Variants in NAV3 observed in about 807,000 individuals in gnomAD.
The protein encoded by NAV3 is pore membrane and/or filament interacting like protein 1.
NAV3 carries 87 observed loss-of-function variants against 244.7 expected under a neutral mutation model. The observed-to-expected ratio is 0.36, with a 90% confidence interval of 0.30 to 0.42. The LOEUF is 0.42. Among genes scored for constraint, NAV3 ranks in the 20% least tolerant of loss-of-function variants. The pLI is 1.00. For missense variants in NAV3, 2,663 were observed against 2,893.3 expected (o/e 0.92, Z 1.83); for synonymous variants, 1,126 against 1,042.2 (o/e 1.08, Z -1.55).
intron 5 of NAV3, among the ~76,000 whole-genome samples, chr12:77,974,235 A>G (rs1213327516): frequency 6.6e-6 from 1 of 151,946 alleles, no homozygotes; most frequent in African/African-American, 2.4e-5. Context: ...AAATTTAAAT[A>G]TATGTAATAT....
chr12:77,746,631 G>C (rs960009685), intron 2 of NAV3, among the ~76,000 whole-genome samples: 3 of 152,084 alleles, frequency 2.0e-5, no homozygotes, highest in African/African-American at 4.8e-5. Flanking sequence ...GGAGGATTGA[G>C]GGAATGGAAG....
chr12:77,803,152 A>C (rs1871800130), intron 2 of NAV3, among the ~76,000 whole-genome samples: 1 of 152,146 alleles, frequency 6.6e-6, no homozygotes, highest in Admixed American at 6.5e-5. Context: ...TGTTTGTTAC[A>C]TAGGTATTCA....
At chr12:77,829,355 A>G (rs1230217951), upstream of NAV3, among the ~76,000 whole-genome samples, 1 of 152,158 alleles carries the variant, frequency 6.6e-6, no homozygotes, top group African/African-American at 2.4e-5. Context: ...TGAGGTGCCA[A>G]TATTATTTTT....
Position 77,772,581 on chromosome 12 carries a change from A to T in NAV3, c.73-167738A>T, listed in dbSNP as rs184289888. 4.7e-4 allele frequency among the ~76,000 whole-genome samples: 71 copies of T among 152,174 alleles called. No individual in the cohort carries two copies. The East Asian group carries it at 0.013, about 27-fold the overall frequency. On this transcript the variant is annotated intron_variant, in intron 2 of 8. Transcript: ENST00000550042. ...TGCTAGTTAGCAGGTAAGGATTTTT[A>T]TATTTTTATATTATTTTGAAGCCAA...
intron 8 of NAV3, among the ~76,000 whole-genome samples, chr12:78,015,450 G>C (rs983838908): frequency 7.9e-5 from 12 of 151,794 alleles, no homozygotes; most frequent in Admixed American, 2.6e-4. Flanking sequence ...TTTCTAATTT[G>C]GGTTTGTCAT....
intron 12 of NAV3, among the ~76,000 whole-genome samples, chr12:78,073,758 G>T (rs1313249220): frequency 1.3e-5 from 2 of 152,048 alleles, no homozygotes; most frequent in Admixed American, 6.5e-5. Flanking sequence ...AAAAAACAAA[G>T]CTGGAGGCAT....
At chr12:78,123,669 G>C (rs574829052) in intron 16 of NAV3, among the ~76,000 whole-genome samples, 2 of 152,124 alleles carry the variant, frequency 1.3e-5, no homozygotes, top group Admixed American at 1.3e-4. Flanking sequence ...TAAAATATTG[G>C]TGTTTCCTAT....
At position 77,940,470 on chromosome 12, in the gene NAV3, T is replaced by C. The variant is rs144343075; in HGVS notation, c.361+34T>C. 10,702 of 1,532,508 alleles carry C rather than the reference T, an allele frequency of 7.0e-3. 55 individuals are homozygous for C. Among genetic ancestry groups the C allele is most frequent in the Non-Finnish European group, 8.2e-3 (9,065 of 1,109,152 alleles). The allele number at this position is 1,532,508 out of a possible 1,614,324, so 94.9% of individuals were successfully genotyped here. ...TTCCTTCTGAAAGAAAGCATGAAAGTCTCTGCTCCCATCTCTTTGGTAAAG... is the reference window on the plus strand; with the variant it reads ...TTCCTTCTGAAAGAAAGCATGAAAGCCTCTGCTCCCATCTCTTTGGTAAAG... On this transcript the variant is annotated intron_variant, in intron 2 of 39. Transcript: ENST00000397909.
intron 5 of NAV3, among the ~76,000 whole-genome samples, chr12:77,978,505 A>G (rs1367642158): frequency 1.3e-5 from 2 of 152,068 alleles, no homozygotes; most frequent in Non-Finnish European, 2.9e-5. Flanking sequence ...ATTTTATACT[A>G]TATGAAATTA....
chr12:78,163,174 A>T (rs1957638400), intron 23 of NAV3, among the ~76,000 whole-genome samples: 1 of 151,700 alleles, frequency 6.6e-6, no homozygotes, highest in Non-Finnish European at 1.5e-5. Flanking sequence ...TCACAGTGTG[A>T]TTTTCAGCAA....
At chr12:77,580,818 T>C (rs1327258528) in intron 2 of NAV3, among the ~76,000 whole-genome samples, 4 of 152,224 alleles carry the variant, frequency 2.6e-5, no homozygotes, top group African/African-American at 9.6e-5. Flanking sequence ...TAATAAAATG[T>C]TAATTATAGA....
At chr12:77,584,455 A>C (rs1294746662) in intron 2 of NAV3, among the ~76,000 whole-genome samples, 8 of 152,098 alleles carry the variant, frequency 5.3e-5, no homozygotes, top group African/African-American at 1.9e-4. Flanking sequence ...TGAAAATCTT[A>C]AAGCAGAGTC....
intron 2 of NAV3, among the ~76,000 whole-genome samples, chr12:77,632,050 G>A (rs1592522870): frequency 6.6e-6 from 1 of 151,036 alleles, no homozygotes; most frequent in Non-Finnish European, 1.5e-5. Flanking sequence ...TCAATTCAGA[G>A]CTTCATGGAA....
chr12:77,632,266 A>AAT (rs1452015317), intron 2 of NAV3, among the ~76,000 whole-genome samples: 3 of 152,114 alleles, frequency 2.0e-5, no homozygotes, highest in African/African-American at 4.8e-5. Context: ...GTTTAATATT[A>AAT]ATATATATAT....
intron 2 of NAV3, among the ~76,000 whole-genome samples, chr12:77,590,862 C>A (rs1869874406): frequency 6.6e-6 from 1 of 152,126 alleles, no homozygotes; most frequent in South Asian, 2.1e-4. Context: ...GGTTGTAGTT[C>A]TTTTAGCTTC....
chr12:78,210,494 T>G lies in NAV3; in HGVS notation c.7135T>G (p.Ser2379Ala). Residue 2379 changes from serine to alanine, a missense_variant, in exon 40 of 40, where the codon TCA becomes GCA. Ser to Ala is a moderately conservative substitution (Grantham distance 99). Coordinates refer to ENST00000397909, the MANE Select transcript of NAV3 (RefSeq NM_001024383.2). ...STSHHEDILD[S>A]SLESTL ...CAGCCACCATGAAGACATTTTGGAT[T>G]CATCTCTTGAATCTACCCTCTAGAG... The G allele has an allele frequency of 6.2e-7, 1 of 1,613,810 alleles. No individual in the cohort carries two copies. The highest frequency in any genetic ancestry group is 1.3e-5 in the African/African-American group (1 of 75,032).
chr12:77,882,842 C>T (rs763995784), intron 1 of NAV3, among the ~76,000 whole-genome samples: 1 of 152,080 alleles, frequency 6.6e-6, no homozygotes, highest in African/African-American at 2.4e-5. Flanking sequence ...CTCATCATTG[C>T]TCATCATCAG....
At chr12:77,815,488 C>T (rs1380134410) in intron 2 of NAV3, among the ~76,000 whole-genome samples, 1 of 152,048 alleles carries the variant, frequency 6.6e-6, no homozygotes, top group African/African-American at 2.4e-5. Flanking sequence ...AATATTTTTG[C>T]AGGCTAAGGG....
At chr12:77,617,401 T>A (rs1871182573) in intron 2 of NAV3, among the ~76,000 whole-genome samples, 1 of 152,194 alleles carries the variant, frequency 6.6e-6, no homozygotes, top group Non-Finnish European at 1.5e-5. Flanking sequence ...CCTGTCTTGT[T>A]CCTTTGGATT....
Sources: allele counts gnomAD v4.1 joint callset (sites outside exome capture counted in the v4.1 genomes callset), GRCh38; gene constraint gnomAD v4.1.1; transcripts MANE v1.5; gene names NCBI Gene and HGNC (gene_info 2026-07-23, HGNC 2026-07-21).